EGFLAM: variants seen among roughly 807,000 people sequenced by gnomAD.
EGFLAM encodes pikachurin.
A neutral mutation model predicts 113.1 loss-of-function variants in EGFLAM; 79 were observed. The ratio of observed to expected loss-of-function variants is 0.70; its 90% CI spans 0.58 to 0.84. The LOEUF is 0.84. EGFLAM is among the 40% of genes least tolerant of loss of function. EGFLAM has a pLI of 0.00. For synonymous variants in EGFLAM, 504 were observed against 487.6 expected, an observed-to-expected ratio of 1.03 and a Z score of -0.44; for missense variants, 1,265 against 1,291.6, an observed-to-expected ratio of 0.98 and a Z score of 0.32.
At chr5:38,324,012 C>T (rs1030808403) in intron 1 of EGFLAM, among the ~76,000 whole-genome samples, 12 of 134,616 alleles carry the variant, frequency 8.9e-5, no homozygotes, top group East Asian at 6.3e-4. Context: ...ACTACTCTAG[C>T]GTGCATGACA....
intron 1 of EGFLAM, among the ~76,000 whole-genome samples, chr5:38,278,468 T>C (rs986301799): frequency 1.3e-5 from 2 of 151,882 alleles, no homozygotes; most frequent in Admixed American, 1.3e-4. Context: ...CAAAGAGCTC[T>C]ATAACATTGA....
intron 11 of EGFLAM, among the ~76,000 whole-genome samples, chr5:38,416,519 G>A (rs964497068): frequency 4.6e-5 from 7 of 152,164 alleles, no homozygotes; most frequent in Non-Finnish European, 8.8e-5. Flanking sequence ...CAAGCTCCAG[G>A]GATCAGAAGG....
intron 1 of EGFLAM, among the ~76,000 whole-genome samples, chr5:38,328,723 G>GTTTTTTTTTTTTTTTTTTTTTTTTTTTT (rs3077265): frequency 2.9e-5 from 3 of 103,026 alleles, no homozygotes; most frequent in Non-Finnish European, 5.8e-5. Flanking sequence ...AGCTATACTT[G>GTTTTTTTTTTTTTTTTTTTTTTTTTTTT]TTTTTTTTTT....
At chr5:38,324,317 T>C (rs1165361381) in intron 1 of EGFLAM, among the ~76,000 whole-genome samples, 1 of 152,156 alleles carries the variant, frequency 6.6e-6, no homozygotes, top group African/African-American at 2.4e-5. Flanking sequence ...TTTCTGTACC[T>C]AAAACTTATC....
chr5:38,451,232 C>T, intron 18 of EGFLAM, 83 bp from the exon 19 acceptor site: 2 of 1,556,190 alleles, frequency 1.3e-6, no homozygotes, highest in East Asian at 4.5e-5. Flanking sequence ...TCTGGTTCCT[C>T]AGGGCTGGCA....
intron 1 of EGFLAM, among the ~76,000 whole-genome samples, chr5:38,321,738 G>A (rs1738747756): frequency 6.6e-6 from 1 of 152,156 alleles, no homozygotes; most frequent in Non-Finnish European, 1.5e-5. Context: ...TGGGCCAGAA[G>A]AATCCGTCGT....
At chr5:38,378,135 G>T (rs1740412652) in intron 6 of EGFLAM, among the ~76,000 whole-genome samples, 1 of 151,990 alleles carries the variant, frequency 6.6e-6, no homozygotes, top group African/African-American at 2.4e-5. Context: ...ACTCCCTCTG[G>T]CTCAAATCAG....
rs1743426600 is a variant in EGFLAM, at chr5:38,465,100, A to C, written c.*1114A>C. ...CATACCAATGGACACTAATACAATC[A>C]GTGTTCCCAAGGCTGTGCAGGGGTG... is the stretch of plus-strand genomic sequence containing the variant. On this transcript the variant is annotated 3_prime_UTR_variant, in exon 22 of 22. Transcript: ENST00000322350. 6.6e-6 allele frequency: 1 copy of C among 152,280 alleles called. No individual in the cohort carries two copies. The highest frequency in any genetic ancestry group is 1.5e-5 in the Non-Finnish European group (1 of 68,102). 9.4% of individuals were successfully genotyped at this position (152,280 alleles called of 1,614,324 possible).
At chr5:38,427,288 A>C in intron 14 of EGFLAM, 36 bp downstream of exon 14, 3 of 1,602,980 alleles carry the variant, frequency 1.9e-6, no homozygotes, top group Non-Finnish European at 2.6e-6. Flanking sequence ...CTTTCCCTTA[A>C]AAAGGCAAAT....
chr5:38,442,662 G>C (rs1742584983), intron 17 of EGFLAM, among the ~76,000 whole-genome samples: 1 of 152,054 alleles, frequency 6.6e-6, no homozygotes, highest in African/African-American at 2.4e-5. Context: ...CATGTTGGCT[G>C]TTCCCAGTCC....
chr5:38,406,226 T>A lies in EGFLAM; in HGVS notation c.813T>A (p.Asp271Glu). Residue 271 changes from aspartate (D) to glutamate (E), a missense_variant, in exon 7 of 22, where the codon GAT (aspartate) becomes GAA (glutamate). Transcript: ENST00000322350. ...DEGFEDDLDL[D>E]ISFEEVKPLP... is the part of the protein sequence containing the mutation. ...GATTTGAAGACGACTTAGATTTGGA[T>A]ATTTCCTTTGAGGAGGTAACAATAA... is the stretch of plus-strand genomic sequence containing the variant. The A allele has an allele frequency of 6.2e-7, 1 of 1,614,128 alleles. No individual in the cohort carries two copies. Among genetic ancestry groups the A allele is most frequent in the Non-Finnish European group, 8.5e-7 (1 of 1,179,978 alleles).
chr5:38,372,466 GCTT>G (rs1297123571), intron 6 of EGFLAM, among the ~76,000 whole-genome samples: 1 of 152,116 alleles, frequency 6.6e-6, no homozygotes, highest in Non-Finnish European at 1.5e-5. Flanking sequence ...GCCTCATACT[GCTT>G]CTTTTTTAAC....
In EGFLAM at chr5:38,337,603, C is replaced by G. The variant is rs1177509451; in HGVS notation, c.181C>G (p.Pro61Ala). 6.2e-7 allele frequency: 1 copy of G among 1,603,646 alleles called. No homozygotes were observed. The highest frequency in any genetic ancestry group is 1.1e-5 in the South Asian group (1 of 89,134). ...CATCCAGTGGAAAATGCCAAGGCAT[C>G]CTGGAAGTCCCATCCTTGGGTACAC... is the stretch of plus-strand genomic sequence containing the variant. ...FSIQWKMPRH[P>A]GSPILGYTVF... Residue 61 changes from proline to alanine, a missense_variant, in exon 2 of 22, where the codon CCT becomes GCT. Coordinates refer to ENST00000322350, the MANE Select transcript of EGFLAM (RefSeq NM_152403.4).
Position 38,338,836 on chromosome 5 carries a change from G to A in EGFLAM, c.291+55G>A, listed in dbSNP as rs772259252. ...AAAAGCATGTGGGCACTATTCGGGC[G>A]GATTGCTGATTTGGTGTGTGTGCTA... On this transcript the variant is annotated intron_variant, in intron 3 of 21. Coordinates refer to ENST00000322350, the MANE Select transcript of EGFLAM (RefSeq NM_152403.4). 43 of 1,474,620 alleles carry A rather than the reference G, an allele frequency of 2.9e-5. 1 individual carries two copies. The highest frequency in any genetic ancestry group is 1.7e-4 in the Middle Eastern group (1 of 5,812). 91.3% of individuals were successfully genotyped at this position (1,474,620 alleles called of 1,614,324 possible).
chr5:38,304,939 G>A (rs1317215538), intron 1 of EGFLAM, among the ~76,000 whole-genome samples: 1 of 152,048 alleles, frequency 6.6e-6, no homozygotes, highest in Non-Finnish European at 1.5e-5. Context: ...AGAGCCTTGG[G>A]ATTTTAATAA....
chr5:38,301,123 G>A (rs1263724706), intron 1 of EGFLAM, among the ~76,000 whole-genome samples: 2 of 152,156 alleles, frequency 1.3e-5, no homozygotes, highest in African/African-American at 4.8e-5. Context: ...AGGAGAAACT[G>A]TGGTCAGAAC....
At chr5:38,348,348 C>T (rs193142887) in intron 3 of EGFLAM, among the ~76,000 whole-genome samples, 8 of 151,820 alleles carry the variant, frequency 5.3e-5, no homozygotes, top group African/African-American at 1.5e-4. Flanking sequence ...GGTGACAGGG[C>T]GAAATCCTGG....
At position 38,269,225 on chromosome 5, in the gene EGFLAM, C is replaced by T. The variant is rs143089923; in HGVS notation, c.97+10374C>T. 2.1e-4 allele frequency among the ~76,000 whole-genome samples: 32 copies of T among 152,192 alleles called. No homozygotes were observed. In the East Asian group the frequency reaches 6.0e-3, roughly 29 times the overall value. ...CAAAAACAACCAAAAATTCACTACC[C>T]AGTGGATTAAATAGAGTGAGTTTCT... On this transcript the variant is annotated intron_variant, in intron 1 of 21. Transcript: ENST00000322350.
chr5:38,321,671 C>T (rs1427718902), intron 1 of EGFLAM, among the ~76,000 whole-genome samples: 1 of 152,166 alleles, frequency 6.6e-6, no homozygotes, highest in African/African-American at 2.4e-5. Context: ...TGAGTCTAAA[C>T]AGGAACCACT....
Sources: allele counts gnomAD v4.1 joint callset (sites outside exome capture counted in the v4.1 genomes callset), GRCh38; gene constraint gnomAD v4.1.1; transcripts MANE v1.5; gene names NCBI Gene and HGNC (gene_info 2026-07-23, HGNC 2026-07-21).